ADAMTSL1: variants seen among roughly 807,000 people sequenced by gnomAD.
ADAMTSL1 encodes the protein ADAMTS-like protein 1.
Under a neutral mutation model 201.8 loss-of-function variants are expected in ADAMTSL1, and 126 were observed. The observed-to-expected ratio is 0.62, with a 90% CI of 0.54 to 0.72. The LOEUF (loss-of-function observed/expected upper bound fraction) is 0.72. Among genes scored for constraint, ADAMTSL1 ranks in the 30% least tolerant of loss-of-function variants. ADAMTSL1 has a pLI of 0.00. For synonymous variants in ADAMTSL1, 1,121 were observed against 903.4 expected (o/e 1.24, Z -4.32); for missense variants, 2,679 against 2,277.8 (o/e 1.18, Z -3.59).
intron 1 of ADAMTSL1, among the ~76,000 whole-genome samples, chr9:17,945,207 A>T (rs1284880766): frequency 6.9e-6 from 1 of 144,076 alleles, no homozygotes; most frequent in East Asian, 2.0e-4. Flanking sequence ...CAAAAAACAC[A>T]TGAAAAAATG....
At position 18,622,461 on chromosome 9, in the gene ADAMTSL1, C is replaced by T. The variant is rs1051071071; in HGVS notation, c.601+92C>T. On this transcript the variant is annotated intron_variant, in intron 5 of 28. Coordinates refer to ENST00000380548, the MANE Select transcript of ADAMTSL1 (RefSeq NM_001040272.6). The stretch of plus-strand genomic sequence containing the variant: ...CCCACTAAACAGCCAGGGAACAACA[C>T]CTCCACCAAAACGATAATGAACCTG... The T allele has an allele frequency of 1.9e-6, 3 of 1,558,676 alleles. No homozygotes were observed. In the African/African-American group the frequency reaches 4.1e-5, roughly 21 times the overall value.
At chr9:18,624,112 G>A (rs1826208450) in intron 5 of ADAMTSL1, among the ~76,000 whole-genome samples, 5 of 152,120 alleles carry the variant, frequency 3.3e-5, no homozygotes, top group African/African-American at 1.2e-4. Context: ...ATGAAAAATT[G>A]GAGATACCAG....
chr9:18,726,242 C>T (rs1462885325), intron 15 of ADAMTSL1, among the ~76,000 whole-genome samples: 1 of 152,174 alleles, frequency 6.6e-6, no homozygotes, highest in Non-Finnish European at 1.5e-5. Context: ...GTGGCTCACA[C>T]CTGTAATCCC....
intron 28 of ADAMTSL1, 117 bp downstream of exon 28, chr9:18,907,029 T>G (rs1313808788): frequency 3.3e-6 from 4 of 1,203,122 alleles, no homozygotes; most frequent in East Asian, 2.4e-5. Context: ...CCAGGGATTG[T>G]GAGCTGGTGG....
At chr9:18,786,789 T>C (rs1485585379) in intron 19 of ADAMTSL1, among the ~76,000 whole-genome samples, 8 of 152,246 alleles carry the variant, frequency 5.3e-5, no homozygotes, top group African/African-American at 1.9e-4. Flanking sequence ...TGAGGGGATG[T>C]TGATATTCTA....
chr9:18,066,258 C>G (rs1822696072), intron 1 of ADAMTSL1, among the ~76,000 whole-genome samples: 1 of 152,096 alleles, frequency 6.6e-6, no homozygotes, highest in Admixed American at 6.5e-5. Flanking sequence ...GACACAGAAA[C>G]TGAAGCACCA....
At chr9:18,284,263 A>G (rs954429139) in intron 2 of ADAMTSL1, among the ~76,000 whole-genome samples, 5 of 152,094 alleles carry the variant, frequency 3.3e-5, no homozygotes, top group Non-Finnish European at 5.9e-5. Context: ...TTAAAAAAAC[A>G]TTTTTTAGAT....
chr9:18,024,946 A>C (rs542314519), intron 1 of ADAMTSL1, among the ~76,000 whole-genome samples: 2 of 152,200 alleles, frequency 1.3e-5, no homozygotes, highest in Admixed American at 6.6e-5. Flanking sequence ...TTGATTTCTT[A>C]ACAATAGCCA....
At chr9:17,986,971 G>A (rs879152214) in intron 1 of ADAMTSL1, among the ~76,000 whole-genome samples, 1 of 152,078 alleles carries the variant, frequency 6.6e-6, no homozygotes. Flanking sequence ...TGTTTTATGA[G>A]TCAGATAATA....
chr9:18,792,965 A>G (rs1433417482), intron 19 of ADAMTSL1, among the ~76,000 whole-genome samples: 2 of 152,212 alleles, frequency 1.3e-5, no homozygotes, highest in East Asian at 1.9e-4. Context: ...TGGTTGGATG[A>G]GCCATAACAC....
At chr9:18,401,975 G>A (rs1193043478) in intron 2 of ADAMTSL1, among the ~76,000 whole-genome samples, 1 of 152,154 alleles carries the variant, frequency 6.6e-6, no homozygotes, top group Non-Finnish European at 1.5e-5. Flanking sequence ...TCATATCGCA[G>A]AGTCAATTAT....
At chr9:18,566,503 G>A (rs569545373) in intron 3 of ADAMTSL1, among the ~76,000 whole-genome samples, 1 of 152,332 alleles carries the variant, frequency 6.6e-6, no homozygotes, top group Non-Finnish European at 1.5e-5. Flanking sequence ...CAGTGGGAAT[G>A]GGATTGCAGT....
At chr9:18,449,302 AT>A (rs1251763747) in intron 2 of ADAMTSL1, among the ~76,000 whole-genome samples, 3 of 150,950 alleles carry the variant, frequency 2.0e-5, no homozygotes, top group Non-Finnish European at 4.4e-5. Context: ...TATAATTTAT[AT>A]TTAAAAATCT....
intron 15 of ADAMTSL1, among the ~76,000 whole-genome samples, chr9:18,747,949 G>A (rs993113994): frequency 2.0e-5 from 3 of 152,184 alleles, no homozygotes; most frequent in Non-Finnish European, 2.9e-5. Flanking sequence ...GCACACTTGA[G>A]GCTGGGCAAA....
intron 16 of ADAMTSL1, among the ~76,000 whole-genome samples, chr9:18,758,607 C>G (rs1446146581): frequency 6.6e-6 from 1 of 152,172 alleles, no homozygotes; most frequent in South Asian, 2.1e-4. Flanking sequence ...CTAATTCTGT[C>G]CCTTCATCCT....
intron 25 of ADAMTSL1, 72 bp downstream of exon 25, chr9:18,889,820 C>A: frequency 7.3e-7 from 1 of 1,374,132 alleles, no homozygotes; most frequent in Non-Finnish European, 9.5e-7. Flanking sequence ...AAGTCAGTGG[C>A]CAGCCCTTCA....
At position 18,905,804 on chromosome 9, in the gene ADAMTSL1, C is replaced by T. The variant is rs146244582; in HGVS notation, c.4874C>T (p.Pro1625Leu). 91 of 1,613,500 alleles carry T rather than the reference C, an allele frequency of 5.6e-5. No individual in the cohort carries two copies. The African/African-American group carries it at 1.1e-3, about 19-fold the overall frequency. ...WGQCNGPCIG[P>L]HLAVQHRQVF... The stretch of plus-strand genomic sequence containing the variant: ...CAGTGCAATGGGCCTTGCATCGGGC[C>T]TCACCTAGCTGTGCAACACAGACAA... Residue 1625 changes from proline to leucine, a missense_variant, in exon 27 of 29, where the codon CCT becomes CTT. Physicochemically the swap from Pro to Leu is moderately conservative, Grantham distance 98 (BLOSUM62 -3). Coordinates refer to ENST00000380548, the MANE Select transcript of ADAMTSL1 (RefSeq NM_001040272.6).
chr9:18,251,414 A>G (rs1036683724), intron 2 of ADAMTSL1, among the ~76,000 whole-genome samples: 1 of 152,252 alleles, frequency 6.6e-6, no homozygotes, highest in African/African-American at 2.4e-5. Context: ...TCTAAACTTC[A>G]AAAGGACAGT....
chr9:18,422,319 G>A (rs964037704), intron 2 of ADAMTSL1, among the ~76,000 whole-genome samples: 3 of 152,092 alleles, frequency 2.0e-5, no homozygotes, highest in Non-Finnish European at 4.4e-5. Flanking sequence ...TAATTCTCTG[G>A]CATCTTCTGT....
Sources: allele counts gnomAD v4.1 joint callset (sites outside exome capture counted in the v4.1 genomes callset), GRCh38; gene constraint gnomAD v4.1.1; transcripts MANE v1.5; gene names NCBI Gene and HGNC (gene_info 2026-07-23, HGNC 2026-07-21).